Variants in ADCY2 observed in about 807,000 individuals in gnomAD.
ADCY2 encodes adenylate cyclase 2, also known as adenylate cyclase type 2.
Under a neutral mutation model 125.2 loss-of-function variants are expected in ADCY2, and 31 were observed. That is an observed-to-expected ratio of 0.25 (90% confidence interval 0.19 to 0.33). The LOEUF (loss-of-function observed/expected upper bound fraction) is 0.33, where lower values mean the gene tolerates loss of function less well. ADCY2 is among the 10% of genes least tolerant of loss of function. The pLI, the probability that ADCY2 is intolerant of heterozygous loss-of-function variation, is 1.00. For synonymous variants in ADCY2, 512 were observed against 548.4 expected (o/e 0.93, Z 0.93); for missense variants, 904 against 1,418.2 (o/e 0.64, Z 5.82).
At chr5:7,707,584 T>A in intron 8 of ADCY2, 122 bp from the exon 9 acceptor site, 3 of 1,152,464 alleles carry the variant, frequency 2.6e-6, no homozygotes, top group Non-Finnish European at 3.7e-6. Context: ...TAAACTTTAA[T>A]TGCGGTCAGT....
chr5:7,695,915 C>A (rs11134252), intron 6 of ADCY2, 52 bp downstream of exon 6: 1 of 1,296,088 alleles, frequency 7.7e-7, no homozygotes, highest in South Asian at 1.4e-5. Context: ...CTCTTGGTTT[C>A]GTTTTTCTTC....
chr5:7,683,173 C>T (rs1453966205), intron 4 of ADCY2, among the ~76,000 whole-genome samples: 3 of 152,184 alleles, frequency 2.0e-5, no homozygotes, highest in Admixed American at 6.5e-5. Flanking sequence ...TGCCAAGGCT[C>T]AACCTCCTCT....
chr5:7,746,301 G>A (rs1323898127), intron 15 of ADCY2: 1 of 152,354 alleles, frequency 6.6e-6, no homozygotes, highest in African/African-American at 2.4e-5. Context: ...TAAGATCCGT[G>A]AATGAGGCTC....
chr5:7,763,834 C>T (rs146076760), intron 16 of ADCY2, among the ~76,000 whole-genome samples: 104 of 152,292 alleles, frequency 6.8e-4, no homozygotes, highest in African/African-American at 2.3e-3. Context: ...TCTGTCATCG[C>T]TTGCCATGAC....
chr5:7,816,979 G>C lies in ADCY2; in HGVS notation c.2997G>C (p.Val999=). 2 of 1,613,142 alleles carry C rather than the reference G, an allele frequency of 1.2e-6. No individual in the cohort carries two copies. The highest frequency in any genetic ancestry group is 1.7e-6 in the Non-Finnish European group (2 of 1,179,178). The change falls in exon 23 of 25, where the codon GTG becomes GTC. Residue 999 remains valine, a splice_region_variant and synonymous_variant. Transcript: ENST00000338316. ...CCTTCAACGACTTCAAATTGCGAGT[G>C]GGTACGTTCTGCAAAAGAGGTCTCG... ...KHSFNDFKLR[V]GINHGPVIAG...
At chr5:7,663,783 T>C (rs1228420974) in intron 4 of ADCY2, among the ~76,000 whole-genome samples, 1 of 152,116 alleles carries the variant, frequency 6.6e-6, no homozygotes, top group Non-Finnish European at 1.5e-5. Context: ...GGCCCTGAGA[T>C]TAATGACAAA....
intron 2 of ADCY2, among the ~76,000 whole-genome samples, chr5:7,427,192 C>T (rs1458736508): frequency 2.0e-5 from 3 of 152,130 alleles, no homozygotes; most frequent in Non-Finnish European, 4.4e-5. Context: ...TCCAATGTCA[C>T]GTGTTTTCCT....
chr5:7,522,690 CAGG>C (rs1744489224), intron 3 of ADCY2: 2 of 145,250 alleles, frequency 1.4e-5, no homozygotes, highest in South Asian at 4.3e-4. Flanking sequence ...ATCACAAGGT[CAGG>C]AGATCAAGAC....
At chr5:7,812,526 C>G (rs1241287078) in intron 22 of ADCY2, among the ~76,000 whole-genome samples, 1 of 152,216 alleles carries the variant, frequency 6.6e-6, no homozygotes, top group African/African-American at 2.4e-5. Flanking sequence ...TCTACACTAT[C>G]ATGAAGGAGA....
At chr5:7,490,545 A>C (rs890663702) in intron 2 of ADCY2, among the ~76,000 whole-genome samples, 2 of 152,128 alleles carry the variant, frequency 1.3e-5, no homozygotes, top group African/African-American at 4.8e-5. Flanking sequence ...GTCTGATTTT[A>C]TTGTCCCAAT....
chr5:7,508,206 C>T (rs73737708), intron 2 of ADCY2, among the ~76,000 whole-genome samples: 10,804 of 152,188 alleles, frequency 0.071, 712 homozygotes, highest in Admixed American at 0.15. Context: ...TTGCCAGTCA[C>T]GAGCATAATT....
intron 2 of ADCY2, among the ~76,000 whole-genome samples, chr5:7,428,830 A>G (rs552568392): frequency 6.6e-6 from 1 of 152,352 alleles, no homozygotes; most frequent in East Asian, 1.9e-4. Context: ...GGAACAAAAA[A>G]AGTGAACTCT....
intron 4 of ADCY2, among the ~76,000 whole-genome samples, chr5:7,633,157 G>A (rs974900755): frequency 6.6e-6 from 1 of 151,950 alleles, no homozygotes; most frequent in South Asian, 2.1e-4. Context: ...TTGGCAGGGC[G>A]CGGTGGCTCA....
intron 4 of ADCY2, among the ~76,000 whole-genome samples, chr5:7,636,526 T>C (rs1010574100): frequency 8.5e-4 from 130 of 152,168 alleles, no homozygotes; most frequent in African/African-American, 3.1e-3. Context: ...ACAAGGCAGA[T>C]GTCTTGATTG....
chr5:7,413,445 C>T (rs1342891558), intron 1 of ADCY2, among the ~76,000 whole-genome samples: 1 of 151,544 alleles, frequency 6.6e-6, no homozygotes, highest in Non-Finnish European at 1.5e-5. Flanking sequence ...AGGCGCCTGC[C>T]ACCACGCGCG....
At chr5:7,448,336 T>C (rs1381340286) in intron 2 of ADCY2, among the ~76,000 whole-genome samples, 1 of 152,174 alleles carries the variant, frequency 6.6e-6, no homozygotes, top group Non-Finnish European at 1.5e-5. Context: ...GTCTGTCCTT[T>C]TCCCTCGTGC....
intron 2 of ADCY2, among the ~76,000 whole-genome samples, chr5:7,431,571 T>C (rs1431315484): frequency 1.3e-5 from 2 of 151,992 alleles, no homozygotes; most frequent in Non-Finnish European, 2.9e-5. Flanking sequence ...TGAAAGTTGC[T>C]TTGATTTGAC....
At chr5:7,460,768 A>T (rs1245732893) in intron 2 of ADCY2, among the ~76,000 whole-genome samples, 1 of 152,100 alleles carries the variant, frequency 6.6e-6, no homozygotes, top group African/African-American at 2.4e-5. Context: ...CTATTGTAAC[A>T]TTCTGAGCCT....
At chr5:7,579,215 G>A (rs540415688) in intron 3 of ADCY2, among the ~76,000 whole-genome samples, 1 of 152,252 alleles carries the variant, frequency 6.6e-6, no homozygotes, top group African/African-American at 2.4e-5. Context: ...AGCTACGTTG[G>A]AGTCAATACT....
Sources: gnomAD v4.1 joint callset for allele counts (sites outside exome capture counted in the v4.1 genomes callset) on GRCh38, gnomAD v4.1.1 for gene constraint, MANE v1.5 for transcripts, NCBI Gene and HGNC (gene_info 2026-07-23, HGNC 2026-07-21) for gene names.